Variants in PCDHA6 observed in about 807,000 individuals in gnomAD.
The protein encoded by PCDHA6 is protocadherin alpha-6.
Under a neutral mutation model 60.3 loss-of-function variants are expected in PCDHA6, and 55 were observed. The observed-to-expected ratio is 0.91, with a 90% confidence interval of 0.73 to 1.14. The LOEUF is 1.14. PCDHA6 is among the 50% of genes most tolerant of loss of function. PCDHA6 has a pLI of 0.00. For missense variants in PCDHA6, 1,327 were observed against 1,256.5 expected (o/e 1.06, Z -0.85); for synonymous variants, 652 against 557.9 (o/e 1.17, Z -2.38).
At position 140,946,611 on chromosome 5, in the gene PCDHA6, A is replaced by AATATATATATATATATAT. The variant is rs1554217734; in HGVS notation, c.2395-32334_2395-32317dup. Among the ~76,000 whole-genome samples, 487 of 86,718 alleles carry AATATATATATATATATAT rather than the reference A, an allele frequency of 5.6e-3. 17 individuals are homozygous for AATATATATATATATATAT. The highest frequency in any genetic ancestry group is 0.01 in the African/African-American group (158 of 15,660). 56.9% of individuals were successfully genotyped at this position (86,718 alleles called of 152,430 possible). The stretch of plus-strand genomic sequence containing the variant: ...GGATGAATAGATAAAGAAAATGTGA[A>AATATATATATATATATAT]ATATATATATATATATATATACAAT... On this transcript the variant is annotated intron_variant, in intron 1 of 3. Coordinates refer to ENST00000529310, the MANE Select transcript of PCDHA6 (RefSeq NM_018909.4).
intron 1 of PCDHA6, among the ~76,000 whole-genome samples, chr5:140,901,408 T>A (rs2068650771): frequency 6.6e-6 from 1 of 152,190 alleles, no homozygotes; most frequent in African/African-American, 2.4e-5. Flanking sequence ...GAGATAGGGG[T>A]CTAGTTTCAT....
At chr5:140,951,448 G>A (rs892144078) in intron 1 of PCDHA6, among the ~76,000 whole-genome samples, 74 of 152,022 alleles carry the variant, frequency 4.9e-4, no homozygotes, top group African/African-American at 1.7e-3. Context: ...GCATGATGCC[G>A]GCCATCTGCT....
chr5:140,929,246 C>T, intron 1 of PCDHA6: 1 of 1,613,738 alleles, frequency 6.2e-7, no homozygotes, highest in Non-Finnish European at 8.5e-7. Context: ...AATCTTGCCA[C>T]TGGGGTAGGA....
At chr5:140,882,212 G>A in intron 1 of PCDHA6, 1 of 1,539,436 alleles carries the variant, frequency 6.5e-7, no homozygotes. Context: ...TTGAGAGACA[G>A]TTTGAGGTAA....
chr5:140,981,446 T>C (rs1586884316), intron 2 of PCDHA6, among the ~76,000 whole-genome samples: 4 of 152,058 alleles, frequency 2.6e-5, no homozygotes, highest in Admixed American at 1.3e-4. Context: ...TGGTGGCGGG[T>C]GCCTGTAGTC....
At chr5:140,846,541 A>AT (rs1226302144) in intron 1 of PCDHA6, among the ~76,000 whole-genome samples, 1 of 147,480 alleles carries the variant, frequency 6.8e-6, no homozygotes, top group Non-Finnish European at 1.5e-5. Flanking sequence ...TGCCCTGCTA[A>AT]TTTTTTGTAT....
In PCDHA6 at chr5:140,876,716, G is replaced by T. The variant is rs374218090; in HGVS notation, c.2394+46231G>T. The T allele has an allele frequency of 9.3e-6, 15 of 1,614,132 alleles. No individual in the cohort carries two copies. The African/African-American group carries it at 1.2e-4, about 13-fold the overall frequency. ...TTGGTGCTGGACAGCGCCCTGGACC[G>T]CGAGAGCGTGTCGGCCTATGAGCTG... On this transcript the variant is annotated intron_variant, in intron 1 of 3. Coordinates refer to ENST00000529310, the MANE Select transcript of PCDHA6 (RefSeq NM_018909.4).
intron 1 of PCDHA6, among the ~76,000 whole-genome samples, chr5:140,871,786 T>G (rs2053308227): frequency 6.6e-6 from 1 of 152,224 alleles, no homozygotes; most frequent in African/African-American, 2.4e-5. Flanking sequence ...GTCACTTGAG[T>G]AGAAATAATT....
chr5:140,967,682 C>G, intron 1 of PCDHA6: 2 of 1,614,176 alleles, frequency 1.2e-6, no homozygotes, highest in South Asian at 2.2e-5. Context: ...CCGGGAGAGG[C>G]AGCTCTTCAG....
rs560557725 is a variant in PCDHA6, at chr5:141,005,418, G to T, written c.2543-4209G>T. Among the ~76,000 whole-genome samples, 149 of 152,250 alleles carry T rather than the reference G, an allele frequency of 9.8e-4. 1 individual carries two copies. The highest frequency in any genetic ancestry group is 3.5e-3 in the African/African-American group (145 of 41,544). On this transcript the variant is annotated intron_variant, in intron 3 of 3. Transcript: ENST00000529310. ...ACAGACTTGAAGAGTGAGGAGTCAT[G>T]CTAAGAATGGATGAGAGGCTCACGC...
intron 1 of PCDHA6, among the ~76,000 whole-genome samples, chr5:140,906,212 A>C (rs2072460025): frequency 6.6e-6 from 1 of 152,194 alleles, no homozygotes; most frequent in South Asian, 2.1e-4. Context: ...CTCAGTATTA[A>C]CCATCACAAG....
chr5:140,829,604 T>C lies in PCDHA6; in HGVS notation c.1513T>C (p.Ser505Pro). The C allele has an allele frequency of 1.2e-6, 2 of 1,612,064 alleles. No individual in the cohort carries two copies. The highest frequency in any genetic ancestry group is 1.7e-6 in the Non-Finnish European group (2 of 1,179,768). ...VERRVGERAL[S>P]SYISVHAESG... ...GCGGCGGGTGGGCGAGCGCGCGTTG[T>C]CGAGCTACATTTCGGTGCACGCGGA... The change falls in exon 1 of 4, where the codon TCG becomes CCG. Residue 505 changes from serine to proline, a missense_variant. Coordinates refer to ENST00000529310, the MANE Select transcript of PCDHA6 (RefSeq NM_018909.4).
chr5:141,001,286 A>G (rs1375093882), intron 3 of PCDHA6, among the ~76,000 whole-genome samples: 1 of 152,160 alleles, frequency 6.6e-6, no homozygotes, highest in Non-Finnish European at 1.5e-5. Context: ...TACGGATGAA[A>G]ACTGAGGCCC....
chr5:140,941,202 C>CCTTTTCTTCCTTTCTTT (rs2092814043), intron 1 of PCDHA6, among the ~76,000 whole-genome samples: 1 of 122,742 alleles, frequency 8.1e-6, no homozygotes, highest in Non-Finnish European at 1.8e-5. Flanking sequence ...TTTCTTTCTT[C>CCTTTTCTTCCTTTCTTT]CTTTCTTTCT....
chr5:140,895,631 C>T (rs1227407918), intron 1 of PCDHA6, among the ~76,000 whole-genome samples: 4 of 152,106 alleles, frequency 2.6e-5, no homozygotes, highest in African/African-American at 9.7e-5. Context: ...TGTCTTTTCA[C>T]ATTCTTTTTT....
rs2150163001 is a variant in PCDHA6 at position 140,829,146 on chromosome 5, T to G, written c.1055T>G (p.Leu352Arg). The G allele has an allele frequency of 1.9e-6, 3 of 1,613,730 alleles. No individual in the cohort carries two copies. Among genetic ancestry groups the G allele is most frequent in the Non-Finnish European group, 1.7e-6 (2 of 1,179,704 alleles). ...AATGATAACGTCCCTGAGATAGCAC[T>G]GACTTCCTTATCCTTGCCTGTACGT... ...DKNDNVPEIA[L>R]TSLSLPVRED... The change falls in exon 1 of 4, where the codon CTG becomes CGG. Residue 352 changes from leucine (L) to arginine (R), a missense_variant. Physicochemically the swap from Leu to Arg is moderately radical, Grantham distance 102. Coordinates refer to ENST00000529310, the MANE Select transcript of PCDHA6 (RefSeq NM_018909.4).
chr5:140,885,335 A>T (rs183720535), intron 1 of PCDHA6, among the ~76,000 whole-genome samples: 2 of 152,246 alleles, frequency 1.3e-5, no homozygotes, highest in East Asian at 3.9e-4. Context: ...CCAAAGTTTG[A>T]AGGGATTTCC....
chr5:140,872,560 A>G (rs944323027), intron 1 of PCDHA6, among the ~76,000 whole-genome samples: 1 of 152,156 alleles, frequency 6.6e-6, no homozygotes, highest in African/African-American at 2.4e-5. Context: ...CCAGGGGTTC[A>G]GGGCTGCAGT....
chr5:140,856,693 T>C (rs374352563), intron 1 of PCDHA6: 9 of 1,596,766 alleles, frequency 5.6e-6, no homozygotes, highest in African/African-American at 4.0e-5. Flanking sequence ...CAGCAACTGA[T>C]GGAGGCAAAC....
Sources: allele counts gnomAD v4.1 joint callset (sites outside exome capture counted in the v4.1 genomes callset), GRCh38; gene constraint gnomAD v4.1.1; transcripts MANE v1.5; gene names NCBI Gene and HGNC (gene_info 2026-07-23, HGNC 2026-07-21).